B3GALT1: variants seen among roughly 807,000 people sequenced by gnomAD.
The protein encoded by B3GALT1 is beta-1,3-galactosyltransferase 1.
A neutral mutation model predicts 23.2 loss-of-function variants in B3GALT1; 10 were observed. That is an observed-to-expected ratio of 0.43 (90% CI 0.27 to 0.73). B3GALT1 has a LOEUF of 0.73. Among genes scored for constraint, B3GALT1 ranks in the 30% least tolerant of loss-of-function variants. The probability of loss-of-function intolerance (pLI) is 0.21; values close to 1 mark genes in which losing one functional copy is unlikely to be tolerated. For missense variants in B3GALT1, 299 were observed against 405.4 expected, an observed-to-expected ratio of 0.74 and a Z score of 2.25; for synonymous variants, 156 against 141.5, an observed-to-expected ratio of 1.10 and a Z score of -0.73.
chr2:167,557,867 C>T (rs1023977741), intron 2 of B3GALT1, among the ~76,000 whole-genome samples: 4 of 152,188 alleles, frequency 2.6e-5, no homozygotes, highest in African/African-American at 9.7e-5. Flanking sequence ...GCCAGCATCA[C>T]TTATATAGTA....
chr2:167,788,350 A>G (rs1688377331), intron 3 of B3GALT1, among the ~76,000 whole-genome samples: 1 of 151,890 alleles, frequency 6.6e-6, no homozygotes, highest in African/African-American at 2.4e-5. Flanking sequence ...TTATTATTAC[A>G]TTGTAATATA....
At chr2:167,511,702 T>A (rs573307286) in intron 2 of B3GALT1, among the ~76,000 whole-genome samples, 2 of 152,308 alleles carry the variant, frequency 1.3e-5, no homozygotes, top group East Asian at 3.9e-4. Flanking sequence ...CAAGAAATTG[T>A]CACTGAATGG....
At chr2:167,428,910 T>C (rs1698663151) in intron 1 of B3GALT1, among the ~76,000 whole-genome samples, 1 of 152,060 alleles carries the variant, frequency 6.6e-6, no homozygotes, top group Non-Finnish European at 1.5e-5. Context: ...AATTAATAAA[T>C]ATATTTATCG....
chr2:167,562,379 C>A (rs975693959), intron 2 of B3GALT1, among the ~76,000 whole-genome samples: 7 of 152,172 alleles, frequency 4.6e-5, no homozygotes, highest in Non-Finnish European at 1.0e-4. Context: ...TGGAAGCATT[C>A]CCTTTGAAAA....
chr2:167,663,613 C>A (rs1453254947), intron 3 of B3GALT1, among the ~76,000 whole-genome samples: 1 of 150,004 alleles, frequency 6.7e-6, no homozygotes, highest in Non-Finnish European at 1.5e-5. Flanking sequence ...CACATCCTCT[C>A]CAGCACCTGT....
intron 1 of B3GALT1, among the ~76,000 whole-genome samples, chr2:167,470,631 G>T (rs189040328): frequency 1.5e-4 from 23 of 152,128 alleles, no homozygotes. Flanking sequence ...TGGGACTCAT[G>T]GTTATGATTT....
intron 2 of B3GALT1, among the ~76,000 whole-genome samples, chr2:167,527,313 C>G (rs897378255): frequency 6.6e-6 from 1 of 151,938 alleles, no homozygotes; most frequent in Admixed American, 6.6e-5. Context: ...TCCATTATGT[C>G]CTTTGCCCAT....
chr2:167,612,263 T>G (rs1685079647), intron 2 of B3GALT1, among the ~76,000 whole-genome samples: 1 of 151,960 alleles, frequency 6.6e-6, no homozygotes, highest in Non-Finnish European at 1.5e-5. Context: ...AAATTCAATA[T>G]TTCTCTCTTG....
chr2:167,860,838 T>G (rs975428410), intron 4 of B3GALT1, among the ~76,000 whole-genome samples: 1 of 151,718 alleles, frequency 6.6e-6, no homozygotes, highest in Non-Finnish European at 1.5e-5. Flanking sequence ...CTTCACCTGG[T>G]CTTAGGAAAA....
chr2:167,818,798 G>A lies in B3GALT1; in HGVS notation c.-230+5G>A, dbSNP rs1689047840. On this transcript the variant is annotated splice_donor_5th_base_variant and intron_variant, in intron 4 of 4. Transcript: ENST00000392690. ...ACAGCACGCTGGAGCCAACAGGTAG[G>A]CGAGAAACCAGGTAGGCGAGAAACA... Among the ~76,000 whole-genome samples the A allele has an allele frequency of 6.6e-6, 1 of 152,054 alleles. No homozygotes were observed. The highest frequency in any genetic ancestry group is 6.5e-5 in the Admixed American group (1 of 15,270).
intron 4 of B3GALT1, among the ~76,000 whole-genome samples, chr2:167,858,059 A>G (rs1345060704): frequency 6.6e-6 from 1 of 152,160 alleles, no homozygotes; most frequent in Non-Finnish European, 1.5e-5. Context: ...TATACACAGA[A>G]TGTTAATTAT....
intron 2 of B3GALT1, among the ~76,000 whole-genome samples, chr2:167,606,608 GAT>G (rs1359732176): frequency 6.6e-6 from 1 of 151,052 alleles, no homozygotes; most frequent in Non-Finnish European, 1.5e-5. Context: ...ATGAAAGAGA[GAT>G]ATAGAAAAGT....
chr2:167,391,686 C>T (rs980237962), intron 1 of B3GALT1, among the ~76,000 whole-genome samples: 4 of 152,258 alleles, frequency 2.6e-5, no homozygotes, highest in South Asian at 4.2e-4. Flanking sequence ...ACTGTCTTTA[C>T]ATTTTTTGTT....
intron 1 of B3GALT1, among the ~76,000 whole-genome samples, chr2:167,462,602 C>G (rs1699276434): frequency 6.6e-6 from 1 of 152,040 alleles, no homozygotes; most frequent in African/African-American, 2.4e-5. Flanking sequence ...GATTGGGGCA[C>G]TGAAGGGAAG....
intron 2 of B3GALT1, among the ~76,000 whole-genome samples, chr2:167,554,204 T>C (rs1026959123): frequency 4.6e-5 from 7 of 152,214 alleles, no homozygotes; most frequent in Admixed American, 1.3e-4. Context: ...ACTTAACTTA[T>C]GGTGTTTAAG....
Position 167,644,363 on chromosome 2 carries a change from A to G in B3GALT1, c.-409-2546A>G, listed in dbSNP as rs115819965. Among the ~76,000 whole-genome samples, 587 of 152,280 alleles carry G rather than the reference A, an allele frequency of 3.9e-3. 5 individuals carry two copies. The highest frequency in any genetic ancestry group is 0.014 in the African/African-American group (562 of 41,554). On this transcript the variant is annotated intron_variant, in intron 2 of 4. Transcript: ENST00000392690. ...AAATGGGAAGGGACAATTTCCTGGAAGACTTGAAAGGAGCACTACCATTTA... is the reference window on the plus strand; with the variant it reads ...AAATGGGAAGGGACAATTTCCTGGAGGACTTGAAAGGAGCACTACCATTTA...
intron 3 of B3GALT1, among the ~76,000 whole-genome samples, chr2:167,745,026 T>G (rs1378773395): frequency 6.6e-6 from 1 of 152,238 alleles, no homozygotes. Flanking sequence ...TTGTGTAATT[T>G]TGCTTTATAA....
chr2:167,830,747 A>G (rs929508266), intron 4 of B3GALT1, among the ~76,000 whole-genome samples: 1 of 152,222 alleles, frequency 6.6e-6, no homozygotes, highest in East Asian at 1.9e-4. Flanking sequence ...AGCTGATTCA[A>G]TCACTTTGAT....
At chr2:167,678,476 A>ATT (rs60566692) in intron 3 of B3GALT1, among the ~76,000 whole-genome samples, 87 of 151,478 alleles carry the variant, frequency 5.7e-4, no homozygotes, top group Non-Finnish European at 1.1e-3. Flanking sequence ...GCACCTTATT[A>ATT]TTTTTTTTAG....
Sources: gnomAD v4.1 joint callset for allele counts (sites outside exome capture counted in the v4.1 genomes callset) on GRCh38, gnomAD v4.1.1 for gene constraint, MANE v1.5 for transcripts, NCBI Gene and HGNC (gene_info 2026-07-23, HGNC 2026-07-21) for gene names.